The following PID1 variants were observed in gnomAD, a reference collection of about 807,000 sequenced individuals.
PID1 encodes PTB-containing, cubilin and LRP1-interacting protein.
Under a neutral mutation model 19.1 loss-of-function variants are expected in PID1, and 10 were observed. The ratio of observed to expected loss-of-function variants is 0.52; its 90% CI spans 0.32 to 0.89. The LOEUF (loss-of-function observed/expected upper bound fraction) is 0.89. PID1 is among the 40% of genes least tolerant of loss of function. The pLI is 0.03. For synonymous variants in PID1, 130 were observed against 116.0 expected (o/e 1.12, Z -0.78); for missense variants, 248 against 285.3 (o/e 0.87, Z 0.94).
At chr2:229,082,130 C>G (rs568166783) in intron 2 of PID1, among the ~76,000 whole-genome samples, 1 of 152,296 alleles carries the variant, frequency 6.6e-6, no homozygotes, top group East Asian at 1.9e-4. Flanking sequence ...GAGATGTCAC[C>G]ATGATACTCA....
intron 2 of PID1, among the ~76,000 whole-genome samples, chr2:229,105,019 G>C (rs1254532283): frequency 1.3e-5 from 2 of 152,228 alleles, no homozygotes; most frequent in East Asian, 1.9e-4. Context: ...GCAGCAAACA[G>C]AATTTGTGGT....
chr2:229,206,310 T>C (rs1182125965), intron 1 of PID1, among the ~76,000 whole-genome samples: 1 of 151,950 alleles, frequency 6.6e-6, no homozygotes, highest in Non-Finnish European at 1.5e-5. Flanking sequence ...TGGTTAATTT[T>C]TATTTTTAGC....
At chr2:229,089,784 G>C (rs1694834635) in intron 2 of PID1, among the ~76,000 whole-genome samples, 2 of 152,124 alleles carry the variant, frequency 1.3e-5, no homozygotes, top group Non-Finnish European at 2.9e-5. Context: ...CTGTGGTGTT[G>C]ATTTCTGTTT....
At chr2:229,134,858 T>C (rs1247775036) in intron 2 of PID1, among the ~76,000 whole-genome samples, 2 of 152,210 alleles carry the variant, frequency 1.3e-5, no homozygotes, top group Non-Finnish European at 2.9e-5. Context: ...ATTGAACTTT[T>C]CACCTGATCA....
chr2:229,166,205 C>CA (rs796995243), intron 1 of PID1, among the ~76,000 whole-genome samples: 4 of 151,858 alleles, frequency 2.6e-5, no homozygotes, highest in Non-Finnish European at 4.4e-5. Context: ...AGAACACAAA[C>CA]AAAAAAAGAG....
At chr2:229,044,483 C>G (rs900161423) in intron 2 of PID1, among the ~76,000 whole-genome samples, 2 of 152,124 alleles carry the variant, frequency 1.3e-5, no homozygotes, top group African/African-American at 4.8e-5. Context: ...CTGCATGTCC[C>G]TCTCCTTCCT....
chr2:229,205,911 C>T (rs1164349293), intron 1 of PID1, among the ~76,000 whole-genome samples: 1 of 152,078 alleles, frequency 6.6e-6, no homozygotes, highest in Admixed American at 6.6e-5. Context: ...ATAATGTTTT[C>T]GTACATTTGC....
At chr2:229,260,817 A>T (rs1227006) in intron 1 of PID1, among the ~76,000 whole-genome samples, 43,969 of 115,906 alleles carry the variant, frequency 0.38, 9,024 homozygotes, top group East Asian at 0.73. Context: ...TCTGATTGCC[A>T]TTTTTTTTTT....
chr2:229,217,471 G>A (rs1312377709), intron 1 of PID1, among the ~76,000 whole-genome samples: 3 of 152,082 alleles, frequency 2.0e-5, no homozygotes, highest in Non-Finnish European at 4.4e-5. Flanking sequence ...ATCTCACTTG[G>A]GATCAGAAAA....
intron 1 of PID1, among the ~76,000 whole-genome samples, chr2:229,243,158 C>A (rs975857599): frequency 7.2e-5 from 11 of 152,080 alleles, no homozygotes; most frequent in African/African-American, 2.7e-4. Flanking sequence ...TGGCAGCAGG[C>A]AGAGAGAGCT....
At chr2:229,103,208 C>T (rs1695108486) in intron 2 of PID1, among the ~76,000 whole-genome samples, 1 of 152,128 alleles carries the variant, frequency 6.6e-6, no homozygotes, top group South Asian at 2.1e-4. Context: ...GCCTGGACAG[C>T]CTGCTAGATG....
At chr2:229,050,630 T>C (rs1303994886) in intron 2 of PID1, among the ~76,000 whole-genome samples, 1 of 152,160 alleles carries the variant, frequency 6.6e-6, no homozygotes, top group Non-Finnish European at 1.5e-5. Flanking sequence ...GTACAGTGTA[T>C]ATACCGGTGT....
chr2:229,238,097 T>A (rs926454915), intron 1 of PID1, among the ~76,000 whole-genome samples: 7 of 152,184 alleles, frequency 4.6e-5, no homozygotes, highest in Non-Finnish European at 8.8e-5. Context: ...CCATTTAATA[T>A]GAATTGCCTT....
At chr2:229,225,651 G>A (rs1299354367) in intron 1 of PID1, among the ~76,000 whole-genome samples, 1 of 152,156 alleles carries the variant, frequency 6.6e-6, no homozygotes, top group African/African-American at 2.4e-5. Context: ...ACATACATGG[G>A]ACTGGGTAAT....
At chr2:229,068,740 G>T (rs950698899) in intron 2 of PID1, among the ~76,000 whole-genome samples, 11 of 152,156 alleles carry the variant, frequency 7.2e-5, no homozygotes, top group Non-Finnish European at 1.6e-4. Context: ...GCCCGCAAGG[G>T]TATCCAATTT....
intron 1 of PID1, among the ~76,000 whole-genome samples, chr2:229,268,338 A>T (rs78366626): frequency 6.6e-6 from 1 of 152,180 alleles, no homozygotes; most frequent in Admixed American, 6.5e-5. Flanking sequence ...GCCAGTTGCT[A>T]CACTCAAAAG....
At chr2:229,135,647 C>T (rs1270005902) in intron 2 of PID1, among the ~76,000 whole-genome samples, 1 of 152,152 alleles carries the variant, frequency 6.6e-6, no homozygotes, top group Non-Finnish European at 1.5e-5. Flanking sequence ...AGAAAAACCA[C>T]TGTTCAGTAC....
intron 2 of PID1, among the ~76,000 whole-genome samples, chr2:229,060,409 T>A (rs1694187915): frequency 1.3e-5 from 2 of 152,156 alleles, no homozygotes; most frequent in Non-Finnish European, 2.9e-5. Flanking sequence ...CTTCTCATAA[T>A]GTTCTTCAGA....
chr2:229,260,000 G>A (rs541462432), intron 1 of PID1, among the ~76,000 whole-genome samples: 3 of 152,134 alleles, frequency 2.0e-5, no homozygotes. Context: ...AATGTCTGTA[G>A]TTTCTAAGCT....
Sources: gnomAD v4.1 joint callset for allele counts (sites outside exome capture counted in the v4.1 genomes callset) on GRCh38, gnomAD v4.1.1 for gene constraint, MANE v1.5 for transcripts, NCBI Gene and HGNC (gene_info 2026-07-23, HGNC 2026-07-21) for gene names.